The following SPON1 variants were observed in gnomAD, a reference collection of about 807,000 sequenced individuals.
SPON1 encodes spondin-1.
Under a neutral mutation model 111.7 loss-of-function variants are expected in SPON1, and 52 were observed. The observed-to-expected ratio is 0.47, with a 90% CI of 0.37 to 0.59. The LOEUF (loss-of-function observed/expected upper bound fraction) is 0.59. Among genes scored for constraint, SPON1 ranks in the 20% least tolerant of loss-of-function variants. SPON1 has a pLI of 0.00. For missense variants in SPON1, 957 were observed against 1,068.5 expected, an observed-to-expected ratio of 0.90 and a Z score of 1.46; for synonymous variants, 410 against 395.8, an observed-to-expected ratio of 1.04 and a Z score of -0.43.
chr11:14,263,025 C>A, intron 15 of SPON1, 50 bp downstream of exon 15: 21 of 1,417,806 alleles, frequency 1.5e-5, no homozygotes, highest in Non-Finnish European at 1.7e-5. Flanking sequence ...AGGCAGGGTT[C>A]TGCACTGGGC....
At chr11:14,165,972 G>A (rs1468697901) in intron 6 of SPON1, among the ~76,000 whole-genome samples, 1 of 152,204 alleles carries the variant, frequency 6.6e-6, no homozygotes, top group African/African-American at 2.4e-5. Flanking sequence ...ATACCTATGA[G>A]TTGGGCAAAT....
chr11:14,233,847 C>T (rs1328521687), intron 6 of SPON1, among the ~76,000 whole-genome samples: 3 of 147,766 alleles, frequency 2.0e-5, no homozygotes, highest in Non-Finnish European at 4.4e-5. Flanking sequence ...ACTGCGACCT[C>T]TGCCTCCTGA....
At chr11:14,031,027 A>G (rs1445294983) in intron 2 of SPON1, among the ~76,000 whole-genome samples, 1 of 152,242 alleles carries the variant, frequency 6.6e-6, no homozygotes, top group African/African-American at 2.4e-5. Context: ...ACATAGCTAT[A>G]AATAATAAAA....
intron 6 of SPON1, among the ~76,000 whole-genome samples, chr11:14,193,744 C>T (rs1848371924): frequency 6.6e-6 from 1 of 152,164 alleles, no homozygotes; most frequent in African/African-American, 2.4e-5. Context: ...GCTGGGGAAT[C>T]CAGTCAGCTA....
At chr11:14,002,253 A>C (rs1848324850) in intron 2 of SPON1, among the ~76,000 whole-genome samples, 1 of 152,184 alleles carries the variant, frequency 6.6e-6, no homozygotes, top group African/African-American at 2.4e-5. Flanking sequence ...GAACATCAGA[A>C]TCTCCTGGAT....
intron 5 of SPON1, among the ~76,000 whole-genome samples, chr11:14,131,610 G>A (rs1847530848): frequency 6.6e-6 from 1 of 152,128 alleles, no homozygotes; most frequent in Admixed American, 6.5e-5. Context: ...ACTCTTTACA[G>A]CTTTCACAAT....
At chr11:14,256,404 G>T (rs186004338) in intron 9 of SPON1, among the ~76,000 whole-genome samples, 1 of 152,332 alleles carries the variant, frequency 6.6e-6, no homozygotes, top group East Asian at 1.9e-4. Context: ...GGGAGTGGTG[G>T]TACCCAAGTT....
intron 3 of SPON1, among the ~76,000 whole-genome samples, chr11:14,052,951 T>C (rs1370929696): frequency 6.6e-6 from 1 of 152,176 alleles, no homozygotes; most frequent in Non-Finnish European, 1.5e-5. Context: ...GATCCTGGGA[T>C]TGACTGCAAC....
At position 13,999,673 on chromosome 11, in the gene SPON1, C is replaced by G. The variant is rs141955752; in HGVS notation, c.345+16720C>G. ...CTGCCCACCTCAGCCTCCCAAAGTG[C>G]TGGGATTACAGGTGTGAGCCACCGC... On this transcript the variant is annotated intron_variant, in intron 2 of 15. Transcript: ENST00000576479. 5.3e-3 allele frequency among the ~76,000 whole-genome samples: 802 copies of G among 152,264 alleles called. 9 individuals are homozygous for G. The highest frequency in any genetic ancestry group is 0.018 in the African/African-American group (741 of 41,568).
At chr11:14,203,732 A>G (rs1298505385) in intron 6 of SPON1, among the ~76,000 whole-genome samples, 1 of 152,220 alleles carries the variant, frequency 6.6e-6, no homozygotes, top group African/African-American at 2.4e-5. Context: ...GGATGAGTAC[A>G]GGTTTCTTGT....
intron 2 of SPON1, among the ~76,000 whole-genome samples, chr11:14,030,020 C>T (rs1331055870): frequency 2.0e-5 from 3 of 152,138 alleles, no homozygotes; most frequent in African/African-American, 4.8e-5. Flanking sequence ...GGGGGAAAAC[C>T]CCCAAGAGCA....
At chr11:14,127,763 A>G (rs547484128) in intron 5 of SPON1, among the ~76,000 whole-genome samples, 1 of 152,342 alleles carries the variant, frequency 6.6e-6, no homozygotes, top group Non-Finnish European at 1.5e-5. Context: ...CATGATATAA[A>G]GAACTACCTG....
At chr11:14,030,287 G>A (rs1554915869) in intron 2 of SPON1, among the ~76,000 whole-genome samples, 1 of 152,236 alleles carries the variant, frequency 6.6e-6, no homozygotes, top group Non-Finnish European at 1.5e-5. Flanking sequence ...TCTTGGCCCA[G>A]CCTTGCTCCC....
chr11:14,007,670 T>C (rs1848372726), intron 2 of SPON1, among the ~76,000 whole-genome samples: 1 of 152,158 alleles, frequency 6.6e-6, no homozygotes, highest in Non-Finnish European at 1.5e-5. Flanking sequence ...TGACACTCAG[T>C]ATTAACCATC....
chr11:13,963,172 G>T, intron 1 of SPON1, 30 bp downstream of exon 1: 3 of 1,450,360 alleles, frequency 2.1e-6, no homozygotes, highest in Non-Finnish European at 2.7e-6. Context: ...GGCATTAGGA[G>T]AGCGGGACCC....
At chr11:14,097,572 T>C (rs1849111325) in intron 5 of SPON1, among the ~76,000 whole-genome samples, 1 of 152,226 alleles carries the variant, frequency 6.6e-6, no homozygotes, top group Admixed American at 6.5e-5. Context: ...CTAATAGTTT[T>C]ACCTAATATT....
chr11:13,963,189 C>G, intron 1 of SPON1, 47 bp downstream of exon 1: 5 of 1,381,598 alleles, frequency 3.6e-6, no homozygotes, highest in South Asian at 1.6e-5. Context: ...ACCCGGTCCC[C>G]GGAGGGCGCC....
chr11:13,963,084 G>A lies in SPON1; in HGVS notation c.180G>A (p.Glu60=). 3.8e-6 allele frequency: 6 copies of A among 1,562,624 alleles called. No individual in the cohort carries two copies. Among genetic ancestry groups the A allele is most frequent in the Non-Finnish European group, 4.3e-6 (5 of 1,156,454 alleles). ...AQGTRREGYT[E]FSLRVEGDPD... The stretch of plus-strand genomic sequence containing the variant: ...GCACGCGGCGCGAGGGCTACACCGA[G>A]TTCAGCCTCCGCGTGGAGGGCGACC... Residue 60 remains glutamate (E), a synonymous_variant, in exon 1 of 16, where the codon GAG becomes GAA. Coordinates refer to ENST00000576479, the MANE Select transcript of SPON1 (RefSeq NM_006108.4).
chr11:14,153,599 A>ATG (rs1444733974), intron 6 of SPON1, among the ~76,000 whole-genome samples: 2 of 152,162 alleles, frequency 1.3e-5, no homozygotes, highest in Non-Finnish European at 2.9e-5. Context: ...CATGAGATTC[A>ATG]TGTGGGGACA....
Sources: gnomAD v4.1 joint callset for allele counts (sites outside exome capture counted in the v4.1 genomes callset) on GRCh38, gnomAD v4.1.1 for gene constraint, MANE v1.5 for transcripts, NCBI Gene and HGNC (gene_info 2026-07-23, HGNC 2026-07-21) for gene names.